The following MAP3K1 variants were observed in gnomAD, a reference collection of about 807,000 sequenced individuals.
MAP3K1 encodes the protein mitogen-activated protein kinase kinase kinase 1.
A neutral mutation model predicts 144.2 loss-of-function variants in MAP3K1; 36 were observed. That is an observed-to-expected ratio of 0.25 (90% CI 0.19 to 0.33). The LOEUF (loss-of-function observed/expected upper bound fraction) is 0.33, where lower values mean the gene tolerates loss of function less well. Among genes scored for constraint, MAP3K1 ranks in the 10% least tolerant of loss-of-function variants. The probability of loss-of-function intolerance (pLI) is 1.00; values close to 1 mark genes in which losing one functional copy is unlikely to be tolerated. For missense variants in MAP3K1, 1,650 were observed against 1,881.9 expected (o/e 0.88, Z 2.28); for synonymous variants, 718 against 688.7 (o/e 1.04, Z -0.67).
chr5:56,874,920 A>T, intron 9 of MAP3K1, 112 bp from the exon 10 acceptor site: 1 of 1,109,384 alleles, frequency 9.0e-7, no homozygotes, highest in East Asian at 2.4e-5. Flanking sequence ...GATGGTAAAG[A>T]TTTCAGAAAT....
chr5:56,864,853 A>C lies in MAP3K1; in HGVS notation c.954A>C (p.Leu318Phe). 1 of 1,614,122 alleles carries C rather than the reference A, an allele frequency of 6.2e-7. No individual in the cohort carries two copies. Among genetic ancestry groups the C allele is most frequent in the Non-Finnish European group, 8.5e-7 (1 of 1,180,006 alleles). Residue 318 changes from leucine (L) to phenylalanine (F), a missense_variant, in exon 4 of 20, where the codon TTA becomes TTC. By Grantham distance (22) the Leu-to-Phe change is conservative. This residue lies in a region of MAP3K1 where 11 missense variants were observed against 40.6 expected (regional missense o/e 0.27). Transcript: ENST00000399503. ...VNKVMRARLY[L>F]LQQIGPNSFL... ...AAGTGATGCGGGCCAGACTGTACTT[A>C]CTGCAGCAGATAGGGCCTAACTCTT...
intron 1 of MAP3K1, among the ~76,000 whole-genome samples, chr5:56,849,000 T>G (rs2111838953): frequency 6.6e-6 from 1 of 152,322 alleles, no homozygotes; most frequent in East Asian, 1.9e-4. Flanking sequence ...CACACAATAC[T>G]TAAAATAGTT....
At chr5:56,858,790 G>C (rs1283871200) in intron 2 of MAP3K1, among the ~76,000 whole-genome samples, 1 of 152,112 alleles carries the variant, frequency 6.6e-6, no homozygotes, top group Admixed American at 6.6e-5. Flanking sequence ...TTCATAAAAG[G>C]AAGAATTTTA....
At chr5:56,888,148 A>G (rs1328408371) in intron 18 of MAP3K1, 78 bp from the exon 19 acceptor site, 1 of 1,307,324 alleles carries the variant, frequency 7.6e-7, no homozygotes, top group Non-Finnish European at 1.1e-6. Context: ...AAAGTAAGGA[A>G]GTAGAATCTA....
intron 19 of MAP3K1, among the ~76,000 whole-genome samples, chr5:56,892,021 C>T (rs561929990): frequency 1.3e-5 from 2 of 152,260 alleles, no homozygotes; most frequent in African/African-American, 4.8e-5. Flanking sequence ...AATGTGGGCT[C>T]TTTTTTGGTT....
At chr5:56,829,625 C>T (rs1746428818) in intron 1 of MAP3K1, among the ~76,000 whole-genome samples, 1 of 152,212 alleles carries the variant, frequency 6.6e-6, no homozygotes, top group Admixed American at 6.5e-5. Flanking sequence ...TCTGCCCCAA[C>T]CCATGCTAGT....
At chr5:56,868,041 A>G (rs879635170) in intron 6 of MAP3K1, among the ~76,000 whole-genome samples, 6 of 152,234 alleles carry the variant, frequency 3.9e-5, no homozygotes, top group Non-Finnish European at 8.8e-5. Context: ...ACAAGTATGT[A>G]AAAATCGGAA....
At chr5:56,846,353 A>G (rs899141332) in intron 1 of MAP3K1, among the ~76,000 whole-genome samples, 4 of 152,202 alleles carry the variant, frequency 2.6e-5, no homozygotes, top group Non-Finnish European at 4.4e-5. Flanking sequence ...TTCTAGTCCA[A>G]TTTGTTTTCT....
chr5:56,840,659 AC>A (rs1420056891), intron 1 of MAP3K1, among the ~76,000 whole-genome samples: 2 of 152,146 alleles, frequency 1.3e-5, no homozygotes, highest in African/African-American at 4.8e-5. Context: ...CGTATCTGAT[AC>A]CATTATTCCA....
rs73135073 is a variant in MAP3K1 at position 56,862,628 on chromosome 5, C to T, written c.835-2106C>T. On this transcript the variant is annotated intron_variant, in intron 3 of 19. Coordinates refer to ENST00000399503, the MANE Select transcript of MAP3K1 (RefSeq NM_005921.2). The stretch of plus-strand genomic sequence containing the variant: ...AATGAACATTTATAATCTTTTTAAC[C>T]TTTTGTTACTGAAAACAGTGCTTCA... Among the ~76,000 whole-genome samples the T allele has an allele frequency of 7.3e-3, 1,115 of 152,158 alleles. 13 individuals carry two copies. The highest frequency in any genetic ancestry group is 0.025 in the African/African-American group (1,056 of 41,512).
At chr5:56,869,304 G>A (rs1030931055) in intron 6 of MAP3K1, among the ~76,000 whole-genome samples, 3 of 152,186 alleles carry the variant, frequency 2.0e-5, no homozygotes, top group Non-Finnish European at 4.4e-5. Flanking sequence ...CCAGAGGCTG[G>A]AGGAAGGAGA....
At chr5:56,852,879 T>C (rs1747217909) in intron 1 of MAP3K1, among the ~76,000 whole-genome samples, 1 of 152,202 alleles carries the variant, frequency 6.6e-6, no homozygotes, top group Non-Finnish European at 1.5e-5. Context: ...AATTGGATGA[T>C]AAATCACTGC....
chr5:56,859,462 C>T (rs898364836), intron 2 of MAP3K1, among the ~76,000 whole-genome samples: 1 of 151,990 alleles, frequency 6.6e-6, no homozygotes, highest in African/African-American at 2.4e-5. Flanking sequence ...GTTTTGTATG[C>T]ATTACAAAAT....
chr5:56,870,087 A>G (rs56822906), intron 6 of MAP3K1, among the ~76,000 whole-genome samples: 8,904 of 152,200 alleles, frequency 0.059, 280 homozygotes, highest in East Asian at 0.12. Flanking sequence ...AAAAGTAGTT[A>G]CTGTTTTTGC....
At chr5:56,876,956 A>G (rs1327288016) in intron 10 of MAP3K1, among the ~76,000 whole-genome samples, 1 of 152,188 alleles carries the variant, frequency 6.6e-6, no homozygotes, top group East Asian at 1.9e-4. Context: ...TCCCTGAAGA[A>G]AGAATCCCGT....
chr5:56,860,130 C>A (rs1450539872), intron 3 of MAP3K1, among the ~76,000 whole-genome samples: 1 of 152,058 alleles, frequency 6.6e-6, no homozygotes, highest in Non-Finnish European at 1.5e-5. Flanking sequence ...TTGCCTCTTT[C>A]CCTGCATTGA....
rs1747656993 is a variant in MAP3K1, at chr5:56,865,866, G to T, written c.1190G>T (p.Ser397Ile). The change falls in exon 6 of 20, where the codon AGC (serine) becomes ATC (isoleucine). Residue 397 changes from serine to isoleucine, a missense_variant. By Grantham distance (142) the Ser-to-Ile change is moderately radical. Transcript: ENST00000399503. ...SLFQKYHSRR[S>I]SRIKAPSRNT... is the part of the protein sequence containing the mutation. ...TTCCAGAAATATCACAGTAGGCGTA[G>T]CTCAAGGATCAAAGCTCCATCTCGT... 6.2e-7 allele frequency: 1 copy of T among 1,613,930 alleles called. No individual in the cohort carries two copies. Among genetic ancestry groups the T allele is most frequent in the African/African-American group, 1.3e-5 (1 of 74,906 alleles).
intron 2 of MAP3K1, among the ~76,000 whole-genome samples, chr5:56,858,952 C>G (rs948848935): frequency 6.6e-6 from 1 of 151,018 alleles, no homozygotes; most frequent in African/African-American, 2.4e-5. Flanking sequence ...CAGCAACTGG[C>G]TATAGAACAG....
At chr5:56,861,672 A>G (rs1747519242) in intron 3 of MAP3K1, among the ~76,000 whole-genome samples, 1 of 152,250 alleles carries the variant, frequency 6.6e-6, no homozygotes, top group Middle Eastern at 3.4e-3. Context: ...TAATCAAAAC[A>G]TCATATCACA....
Sources: gnomAD v4.1 joint callset for allele counts (sites outside exome capture counted in the v4.1 genomes callset) on GRCh38, gnomAD v4.1.1 for gene constraint, gnomAD v4.1.1 regional missense constraint, MANE v1.5 for transcripts, NCBI Gene and HGNC (gene_info 2026-07-23, HGNC 2026-07-21) for gene names.